GNA12: variants seen among roughly 807,000 people sequenced by gnomAD.
GNA12 encodes the protein guanine nucleotide-binding protein subunit alpha-12.
Under a neutral mutation model 26.0 loss-of-function variants are expected in GNA12, and 9 were observed. The ratio of observed to expected loss-of-function variants is 0.35; its 90% CI spans 0.21 to 0.60. GNA12 has a LOEUF of 0.60. GNA12 is among the 20% of genes least tolerant of loss of function. GNA12 has a pLI of 0.78. For synonymous variants in GNA12, 264 were observed against 219.6 expected (o/e 1.20, Z -1.79); for missense variants, 405 against 525.8 (o/e 0.77, Z 2.25).
intron 1 of GNA12, chr7:2,814,331 A>G: frequency 6.3e-7 from 1 of 1,590,064 alleles, no homozygotes; most frequent in Non-Finnish European, 8.6e-7. Context: ...AGGGTGTGCA[A>G]TGAGTAGGTG....
intron 2 of GNA12, among the ~76,000 whole-genome samples, chr7:2,748,315 T>C (rs1056415198): frequency 2.5e-4 from 38 of 152,108 alleles, no homozygotes; most frequent in Non-Finnish European, 4.6e-4. Context: ...AACAGACACA[T>C]AGACCAATGG....
At chr7:2,780,049 TAC>T (rs1276058323) in intron 2 of GNA12, among the ~76,000 whole-genome samples, 633 of 37,960 alleles carry the variant, frequency 0.017, 24 homozygotes, top group African/African-American at 0.028. Flanking sequence ...CATTTCTGTG[TAC>T]ATATATATAT....
intron 2 of GNA12, among the ~76,000 whole-genome samples, chr7:2,755,722 A>G (rs984721608): frequency 1.3e-5 from 2 of 152,162 alleles, no homozygotes; most frequent in Admixed American, 6.5e-5. Flanking sequence ...TCTACCCTGC[A>G]TTTCCTTTTC....
chr7:2,780,048 GTACATA>G (rs1421989969), intron 2 of GNA12, among the ~76,000 whole-genome samples: 52 of 84,730 alleles, frequency 6.1e-4, no homozygotes, highest in African/African-American at 1.9e-3. Flanking sequence ...ACATTTCTGT[GTACATA>G]TATATATATA....
Position 2,785,821 on chromosome 7 carries a change from T to C in GNA12, c.525+9107A>G, listed in dbSNP as rs181150633. On this transcript the variant is annotated intron_variant, in intron 2 of 3. Coordinates refer to ENST00000275364, the MANE Select transcript of GNA12 (RefSeq NM_007353.3). ...CAGCACTTTGGGAGACTGAGGTGGGTGGATCACCTGAGTTCAGGAGTTCAA... is the reference window on the plus strand; with the variant it reads ...CAGCACTTTGGGAGACTGAGGTGGGCGGATCACCTGAGTTCAGGAGTTCAA... 1.6e-3 allele frequency among the ~76,000 whole-genome samples: 244 copies of C among 152,192 alleles called. 3 individuals are homozygous for C. The highest frequency in any genetic ancestry group is 5.4e-3 in the African/African-American group (226 of 41,528).
intron 2 of GNA12, among the ~76,000 whole-genome samples, chr7:2,734,452 A>G (rs1790056142): frequency 6.6e-6 from 1 of 152,044 alleles, no homozygotes. Flanking sequence ...CTGTGTTCTC[A>G]TGGAAATGTA....
rs1204524184 is a variant in GNA12, at chr7:2,835,662, T to C, written c.309+8191A>G. 1.4e-5 allele frequency: 14 copies of C among 977,228 alleles called. No homozygotes were observed. The Admixed American group carries it at 2.0e-4, about 14-fold the overall frequency. 60.5% of individuals were successfully genotyped at this position (977,228 alleles called of 1,614,324 possible). A position where few individuals can be genotyped will look rare whatever the true frequency, so the allele number is the denominator to read the frequency against. ...AGAAGACGGCTGCAGAAGATGTCAATGTTACTTTCGAAGAGCAACAAAAGA... is the reference window on the plus strand; with the variant it reads ...AGAAGACGGCTGCAGAAGATGTCAACGTTACTTTCGAAGAGCAACAAAAGA... On this transcript the variant is annotated intron_variant, in intron 1 of 3. Transcript: ENST00000275364.
chr7:2,819,061 G>A (rs531187946), intron 1 of GNA12, among the ~76,000 whole-genome samples: 6 of 152,234 alleles, frequency 3.9e-5, no homozygotes, highest in East Asian at 1.9e-4. Context: ...ATTACCCTGC[G>A]AGCCTGATGG....
intron 1 of GNA12, among the ~76,000 whole-genome samples, chr7:2,837,610 G>A (rs1410050826): frequency 6.6e-6 from 1 of 152,078 alleles, no homozygotes; most frequent in Non-Finnish European, 1.5e-5. Flanking sequence ...GCATGAACTC[G>A]GAGAGGAGAC....
At chr7:2,756,423 G>T (rs564607146) in intron 2 of GNA12, among the ~76,000 whole-genome samples, 1 of 152,144 alleles carries the variant, frequency 6.6e-6, no homozygotes, top group African/African-American at 2.4e-5. Context: ...GACCAGCCTG[G>T]GCAATAGAGT....
At chr7:2,808,002 C>G (rs545457665) in intron 1 of GNA12, among the ~76,000 whole-genome samples, 1 of 152,356 alleles carries the variant, frequency 6.6e-6, no homozygotes, top group Admixed American at 6.5e-5. Context: ...TCATTTTGGG[C>G]GCTTCCTCCA....
chr7:2,840,047 G>A (rs1210499007), intron 1 of GNA12, among the ~76,000 whole-genome samples: 1 of 152,194 alleles, frequency 6.6e-6, no homozygotes, highest in African/African-American at 2.4e-5. Flanking sequence ...ACAGGAAGGG[G>A]AGAGAGTGGC....
intron 2 of GNA12, among the ~76,000 whole-genome samples, chr7:2,791,555 G>A (rs1210151201): frequency 3.3e-5 from 5 of 152,218 alleles, no homozygotes; most frequent in Non-Finnish European, 7.3e-5. Context: ...ACAGGGAGGC[G>A]CCTAGTACCT....
intron 2 of GNA12, among the ~76,000 whole-genome samples, chr7:2,772,187 T>C (rs924723340): frequency 2.3e-4 from 35 of 152,198 alleles, no homozygotes; most frequent in Non-Finnish European, 4.1e-4. Context: ...CCCAAGAAAA[T>C]GACCAACAAC....
At chr7:2,832,414 T>C (rs566386429) in intron 1 of GNA12, among the ~76,000 whole-genome samples, 15 of 152,290 alleles carry the variant, frequency 9.8e-5, no homozygotes, top group African/African-American at 3.6e-4. Context: ...CTTTCCCAGT[T>C]GAGACCAGGC....
At chr7:2,747,395 A>G (rs1386375811) in intron 2 of GNA12, among the ~76,000 whole-genome samples, 1 of 152,252 alleles carries the variant, frequency 6.6e-6, no homozygotes, top group Non-Finnish European at 1.5e-5. Context: ...GTAATCCAGT[A>G]TATAAACAGA....
At chr7:2,797,920 T>C (rs1303241270) in intron 1 of GNA12, among the ~76,000 whole-genome samples, 2 of 152,218 alleles carry the variant, frequency 1.3e-5, no homozygotes, top group South Asian at 2.1e-4. Context: ...GACAAATGTA[T>C]GGATAAAAAA....
At chr7:2,754,709 A>G (rs1001839728) in intron 2 of GNA12, among the ~76,000 whole-genome samples, 7 of 152,266 alleles carry the variant, frequency 4.6e-5, no homozygotes, top group African/African-American at 1.4e-4. Context: ...TGATCACACC[A>G]CTACACTCCA....
At position 2,827,285 on chromosome 7, in the gene GNA12, T is replaced by C. The variant is rs563594666; in HGVS notation, c.309+16568A>G. Among the ~76,000 whole-genome samples the C allele has an allele frequency of 3.3e-5, 5 of 152,216 alleles. No homozygotes were observed. In the East Asian group the frequency reaches 5.8e-4, roughly 18 times the overall value. On this transcript the variant is annotated intron_variant, in intron 1 of 3. Coordinates refer to ENST00000275364, the MANE Select transcript of GNA12 (RefSeq NM_007353.3). ...GTGTCCAGATCTCCTTTTGGAGTGA[T>C]TGGAACGTTTTGGAATTTGATAGAG...
Sources: gnomAD v4.1 joint callset for allele counts (sites outside exome capture counted in the v4.1 genomes callset) on GRCh38, gnomAD v4.1.1 for gene constraint, MANE v1.5 for transcripts, NCBI Gene and HGNC (gene_info 2026-07-23, HGNC 2026-07-21) for gene names.